VPS13B: variants seen among roughly 807,000 people sequenced by gnomAD.
VPS13B encodes the protein intermembrane lipid transfer protein VPS13B.
VPS13B carries 285 observed loss-of-function variants against 426.4 expected under a neutral mutation model. That is an observed-to-expected ratio of 0.67 (90% confidence interval 0.61 to 0.74). The LOEUF is 0.74. Ranked by LOEUF, VPS13B falls within the 30% of genes least tolerant of loss-of-function variation. The pLI is 0.00. For missense variants in VPS13B, 4,537 were observed against 4,782.6 expected (o/e 0.95, Z 1.51); for synonymous variants, 1,676 against 1,676.4 (o/e 1.00, Z 0.01).
intron 30 of VPS13B, among the ~76,000 whole-genome samples, chr8:99,546,826 A>T (rs996770625): frequency 1.3e-5 from 2 of 152,048 alleles, no homozygotes; most frequent in Admixed American, 6.6e-5. Flanking sequence ...AAAGGGAGAT[A>T]TCTTTGTTAG....
At chr8:99,531,328 A>G (rs1240490149) in intron 30 of VPS13B, among the ~76,000 whole-genome samples, 2 of 152,162 alleles carry the variant, frequency 1.3e-5, no homozygotes, top group Admixed American at 6.5e-5. Flanking sequence ...CACATCTCTT[A>G]TGAGCTCTGA....
intron 3 of VPS13B, among the ~76,000 whole-genome samples, chr8:99,041,549 C>T (rs910666831): frequency 6.6e-6 from 1 of 152,138 alleles, no homozygotes; most frequent in East Asian, 1.9e-4. Context: ...GATGTGCTTT[C>T]TTTGATCATT....
At chr8:99,695,083 CTT>C (rs1202893594) in intron 35 of VPS13B, among the ~76,000 whole-genome samples, 6 of 148,540 alleles carry the variant, frequency 4.0e-5, no homozygotes, top group Non-Finnish European at 9.0e-5. Flanking sequence ...AATAGGAACA[CTT>C]TTACACTGTT....
intron 35 of VPS13B, among the ~76,000 whole-genome samples, chr8:99,694,647 C>T (rs1831866477): frequency 7.6e-6 from 1 of 130,888 alleles, no homozygotes; most frequent in Non-Finnish European, 1.6e-5. Flanking sequence ...GCAAGGACTT[C>T]ATGTCCAAAA....
intron 16 of VPS13B, among the ~76,000 whole-genome samples, chr8:99,171,406 C>G (rs1386272399): frequency 6.6e-6 from 1 of 151,870 alleles, no homozygotes; most frequent in African/African-American, 2.4e-5. Context: ...ATTAATTTAT[C>G]ATTTCTAGGA....
intron 51 of VPS13B, among the ~76,000 whole-genome samples, chr8:99,827,205 A>T (rs944813863): frequency 5.9e-5 from 9 of 151,790 alleles, no homozygotes; most frequent in Middle Eastern, 3.4e-3. Flanking sequence ...GGTCCTGCGC[A>T]TTTTTGGTTG....
At chr8:99,339,914 C>T (rs1172329294) in intron 19 of VPS13B, among the ~76,000 whole-genome samples, 2 of 152,008 alleles carry the variant, frequency 1.3e-5, no homozygotes, top group African/African-American at 4.8e-5. Context: ...AAATAGCTTG[C>T]AAAAAATTTT....
chr8:99,082,293 A>T (rs1412784598), intron 3 of VPS13B, among the ~76,000 whole-genome samples: 3 of 152,104 alleles, frequency 2.0e-5, no homozygotes, highest in African/African-American at 7.2e-5. Flanking sequence ...TCCTTTGCCC[A>T]CTTTTTGATG....
At chr8:99,379,203 C>A (rs527917587) in intron 19 of VPS13B, among the ~76,000 whole-genome samples, 1 of 152,142 alleles carries the variant, frequency 6.6e-6, no homozygotes, top group African/African-American at 2.4e-5. Context: ...CCTCCACCCC[C>A]CAAATCCGTG....
At chr8:99,818,395 G>C in intron 45 of VPS13B, 56 bp from the exon 46 acceptor site, 1 of 1,495,212 alleles carries the variant, frequency 6.7e-7, no homozygotes, top group Non-Finnish European at 9.3e-7. Flanking sequence ...GCCTTATTTT[G>C]ATTAATTAGT....
intron 33 of VPS13B, among the ~76,000 whole-genome samples, chr8:99,625,331 G>T (rs977424711): frequency 6.6e-6 from 1 of 152,120 alleles, no homozygotes; most frequent in Admixed American, 6.5e-5. Context: ...AAGTGGGATG[G>T]GTGGGAAACT....
chr8:99,381,906 G>C (rs1026153029), intron 19 of VPS13B, among the ~76,000 whole-genome samples: 4 of 151,980 alleles, frequency 2.6e-5, no homozygotes, highest in African/African-American at 9.7e-5. Flanking sequence ...ATCTTTGCCT[G>C]TTCCTGTGTC....
intron 43 of VPS13B, among the ~76,000 whole-genome samples, chr8:99,809,035 A>G (rs1412953445): frequency 6.6e-6 from 1 of 152,158 alleles, no homozygotes; most frequent in East Asian, 1.9e-4. Context: ...CCGTCAGCCA[A>G]TACCAAGGTT....
At chr8:99,612,156 C>T (rs1385178518) in intron 33 of VPS13B, among the ~76,000 whole-genome samples, 2 of 152,140 alleles carry the variant, frequency 1.3e-5, no homozygotes, top group Non-Finnish European at 2.9e-5. Flanking sequence ...ATTAGACTAG[C>T]AATCTGGATT....
intron 35 of VPS13B, among the ~76,000 whole-genome samples, chr8:99,674,913 C>T (rs1423375054): frequency 6.6e-6 from 1 of 151,638 alleles, no homozygotes; most frequent in Non-Finnish European, 1.5e-5. Context: ...TTGTATATTC[C>T]TTAACAAATT....
intron 51 of VPS13B, 148 bp downstream of exon 51, chr8:99,824,126 T>C (rs1352135814): frequency 2.0e-6 from 2 of 1,011,796 alleles, no homozygotes; most frequent in African/African-American, 3.2e-5. Flanking sequence ...ATTAAAACCA[T>C]GAATGTCATG....
intron 35 of VPS13B, among the ~76,000 whole-genome samples, chr8:99,665,415 T>A (rs1301945115): frequency 6.6e-6 from 1 of 152,154 alleles, no homozygotes; most frequent in African/African-American, 2.4e-5. Flanking sequence ...CTGAATGGTA[T>A]TGCCTAGGTT....
intron 3 of VPS13B, among the ~76,000 whole-genome samples, chr8:99,083,881 G>A (rs1213521386): frequency 1.4e-5 from 2 of 143,968 alleles, no homozygotes; most frequent in African/African-American, 5.2e-5. Context: ...GAGGATTTTT[G>A]CATAGATGTT....
At chr8:99,380,022 T>C (rs1490668421) in intron 19 of VPS13B, among the ~76,000 whole-genome samples, 1 of 152,166 alleles carries the variant, frequency 6.6e-6, no homozygotes, top group Non-Finnish European at 1.5e-5. Flanking sequence ...AATAAACAAT[T>C]TTTCATATTG....
Sources: gnomAD v4.1 joint callset for allele counts (sites outside exome capture counted in the v4.1 genomes callset) on GRCh38, gnomAD v4.1.1 for gene constraint, MANE v1.5 for transcripts, NCBI Gene and HGNC (gene_info 2026-07-23, HGNC 2026-07-21) for gene names.